Variants in TNFSF15 observed in about 807,000 individuals in gnomAD.
TNFSF15 encodes the protein tumor necrosis factor ligand superfamily member 15.
Under a neutral mutation model 26.4 loss-of-function variants are expected in TNFSF15, and 15 were observed. That is an observed-to-expected ratio of 0.57 (90% CI 0.38 to 0.87). TNFSF15 has a LOEUF of 0.87. Ranked by LOEUF, TNFSF15 falls within the 40% of genes least tolerant of loss-of-function variation. The pLI, the probability that TNFSF15 is intolerant of heterozygous loss-of-function variation, is 0.00. For synonymous variants in TNFSF15, 116 were observed against 115.0 expected, an observed-to-expected ratio of 1.01 and a Z score of -0.06; for missense variants, 290 against 306.1, an observed-to-expected ratio of 0.95 and a Z score of 0.39.
At chr9:114,802,718 A>G (rs139910658) in intron 1 of TNFSF15, among the ~76,000 whole-genome samples, 7 of 152,278 alleles carry the variant, frequency 4.6e-5, no homozygotes, top group African/African-American at 9.6e-5. Context: ...AAGTTCTTCA[A>G]TGGGAGAGGG....
At chr9:114,794,977 T>C (rs1829656238) in intron 1 of TNFSF15, among the ~76,000 whole-genome samples, 1 of 152,150 alleles carries the variant, frequency 6.6e-6, no homozygotes, top group Non-Finnish European at 1.5e-5. Context: ...TAGCAGAGTA[T>C]GGTGACTATA....
rs777804303 is a variant in TNFSF15, at chr9:114,790,719, A to G, written c.489T>C (p.Ser163=). ...TTGGTCGGCCTGCTTGTCTGATTTC[A>G]CTGCACTCAGAGGTCATCCCACGGA... ...VTFRGMTSEC[S]EIRQAGRPNK... is the part of the protein sequence containing the mutation. Residue 163 remains serine (S), a synonymous_variant, in exon 4 of 4, where the codon AGT becomes AGC. Coordinates refer to ENST00000374045, the MANE Select transcript of TNFSF15 (RefSeq NM_005118.4). 2 of 1,613,938 alleles carry G rather than the reference A, an allele frequency of 1.2e-6. No individual in the cohort carries two copies.
At chr9:114,791,886 C>A (rs1205042720) in intron 3 of TNFSF15, 2 of 168,608 alleles carry the variant, frequency 1.2e-5, no homozygotes, top group African/African-American at 4.8e-5. Context: ...AAATTGGCAA[C>A]TCTGGGGACT....
intron 1 of TNFSF15, among the ~76,000 whole-genome samples, 164 bp from the exon 2 acceptor site, chr9:114,793,732 G>C (rs902844724): frequency 6.6e-6 from 1 of 152,176 alleles, no homozygotes; most frequent in East Asian, 1.9e-4. Context: ...TGGGAATCTT[G>C]CATCTCAGCT....
chr9:114,802,743 CTGGT>C lies in TNFSF15; in HGVS notation c.210+3056_210+3059del, dbSNP rs1359035105. On this transcript the variant is annotated intron_variant, in intron 1 of 3. Transcript: ENST00000374045. The stretch of plus-strand genomic sequence containing the variant: ...ATGGGAGAGGGGTGAGGCTCAGTAA[CTGGT>C]ATAGTTGTGGTAATAGTTTTCTCCA... Among the ~76,000 whole-genome samples, 14 of 152,266 alleles carry C rather than the reference CTGGT, an allele frequency of 9.2e-5. No individual in the cohort carries two copies. In the East Asian group the frequency reaches 2.7e-3, roughly 29 times the overall value.
chr9:114,805,435 C>A (rs1829807750), intron 1 of TNFSF15, among the ~76,000 whole-genome samples: 1 of 152,126 alleles, frequency 6.6e-6, no homozygotes, highest in Non-Finnish European at 1.5e-5. Flanking sequence ...TGATGACTTT[C>A]TTCCTCTCCT....
rs1829616971 is a variant in TNFSF15, at chr9:114,792,416, G to A, written c.292C>T (p.His98Tyr). The A allele has an allele frequency of 1.1e-5, 18 of 1,613,896 alleles. No individual in the cohort carries two copies. The highest frequency in any genetic ancestry group is 1.4e-5 in the Non-Finnish European group (16 of 1,179,918). ...LRADGDKPRA[H>Y]LTVVRQTPTQ... Reference sequence around the variant, plus strand: ...CAGCAGGGAGGCTTACCTGTCAGGTGTGCCCTTGGCTTATCTCCGTCTGCT... The same window carrying A: ...CAGCAGGGAGGCTTACCTGTCAGGTATGCCCTTGGCTTATCTCCGTCTGCT... Residue 98 changes from histidine to tyrosine, a missense_variant, in exon 3 of 4, where the codon CAC (histidine) becomes TAC (tyrosine). By Grantham distance (83) the His-to-Tyr change is moderately conservative. Coordinates refer to ENST00000374045, the MANE Select transcript of TNFSF15 (RefSeq NM_005118.4).
At chr9:114,791,088 A>G (rs1393150474) in intron 3 of TNFSF15, 182 bp from the exon 4 acceptor site, 1 of 657,090 alleles carries the variant, frequency 1.5e-6, no homozygotes, top group African/African-American at 1.8e-5. Context: ...TTCAAAGAGA[A>G]TAACATCTTG....
At chr9:114,794,231 C>T (rs1488478151) in intron 1 of TNFSF15, among the ~76,000 whole-genome samples, 1 of 152,146 alleles carries the variant, frequency 6.6e-6, no homozygotes, top group East Asian at 1.9e-4. Context: ...GGAATAATAA[C>T]ATACTTAGCC....
chr9:114,791,424 A>T (rs144231824), intron 3 of TNFSF15: 1 of 177,136 alleles, frequency 5.6e-6, no homozygotes, highest in African/African-American at 2.4e-5. Flanking sequence ...TCTTACAGGC[A>T]TGAGGTAAGT....
rs1829483416 is a variant in TNFSF15, at chr9:114,785,429, C to T, written c.*5023G>A. The T allele has an allele frequency of 1.3e-5, 2 of 152,150 alleles. No homozygotes were observed. The highest frequency in any genetic ancestry group is 2.9e-5 in the Non-Finnish European group (2 of 68,040). 9.4% of individuals were successfully genotyped at this position (152,150 alleles called of 1,614,324 possible). A position where few individuals can be genotyped will look rare whatever the true frequency, so the allele number is the denominator to read the frequency against. ...GCTAATTACTGAACCCTTGAGAAGG[C>T]CTGCCAGGTTTGTAATGATCAACTA... is the stretch of plus-strand genomic sequence containing the variant. On this transcript the variant is annotated 3_prime_UTR_variant, in exon 4 of 4. Transcript: ENST00000374045.
chr9:114,796,697 A>C (rs1829677050), intron 1 of TNFSF15, among the ~76,000 whole-genome samples: 1 of 152,244 alleles, frequency 6.6e-6, no homozygotes, highest in Non-Finnish European at 1.5e-5. Context: ...CAAATACCTC[A>C]ATACCCTGCA....
intron 3 of TNFSF15, 149 bp downstream of exon 3, chr9:114,792,258 C>T: frequency 4.4e-6 from 3 of 680,400 alleles, no homozygotes; most frequent in Non-Finnish European, 7.0e-6. Flanking sequence ...CACACACACA[C>T]ACACACACTG....
intron 1 of TNFSF15, among the ~76,000 whole-genome samples, chr9:114,803,429 T>C (rs1829774474): frequency 6.6e-6 from 1 of 152,228 alleles, no homozygotes; most frequent in African/African-American, 2.4e-5. Context: ...CCTATTTTCA[T>C]AGCTGGAAGT....
At chr9:114,803,683 G>A (rs896116539) in intron 1 of TNFSF15, among the ~76,000 whole-genome samples, 2 of 152,326 alleles carry the variant, frequency 1.3e-5, no homozygotes, top group African/African-American at 2.4e-5. Flanking sequence ...GAGGCAGGGT[G>A]GGGGATGGGG....
chr9:114,800,675 T>C (rs891154516), intron 1 of TNFSF15, among the ~76,000 whole-genome samples: 1 of 152,308 alleles, frequency 6.6e-6, no homozygotes, highest in Non-Finnish European at 1.5e-5. Context: ...ATGCATGTAG[T>C]AATGATAGCA....
intron 3 of TNFSF15, 163 bp downstream of exon 3, chr9:114,792,224 TACACACACACACACACACAC>T (rs142936750): frequency 0.012 from 6,928 of 559,702 alleles, 366 homozygotes; most frequent in African/African-American, 0.12. Context: ...CATATGTGTG[TACACACACACACACACACAC>T]ACACACACAC....
Position 114,790,527 on chromosome 9 carries a change from C to A in TNFSF15, c.681G>T (p.Met227Ile). ...CCAAAGAGATGTCACTGACGTTCAC[C>A]ATTAGCTTGTCCCCTTCTTGCAAGG... ...MFSLQEGDKL[M>I]VNVSDISLVD... is the part of the protein sequence containing the mutation. The change falls in exon 4 of 4, where the codon ATG becomes ATT. Residue 227 changes from methionine (M) to isoleucine (I), a missense_variant. Met to Ile is a conservative substitution (Grantham distance 10). This residue lies in a region of TNFSF15 where 102 missense variants were observed against 114.7 expected (regional missense o/e 0.89). Coordinates refer to ENST00000374045, the MANE Select transcript of TNFSF15 (RefSeq NM_005118.4). 1 of 1,614,076 alleles carries A rather than the reference C, an allele frequency of 6.2e-7. No individual in the cohort carries two copies. The highest frequency in any genetic ancestry group is 8.5e-7 in the Non-Finnish European group (1 of 1,180,024).
Position 114,801,827 on chromosome 9 carries a change from G to A in TNFSF15, c.210+3976C>T, listed in dbSNP as rs1829753052. On this transcript the variant is annotated intron_variant, in intron 1 of 3. Coordinates refer to ENST00000374045, the MANE Select transcript of TNFSF15 (RefSeq NM_005118.4). ...ATTATTTCTATACTTTTTTGTATAG[G>A]TAGCATACACATTTTGTATGGAAGA... Among the ~76,000 whole-genome samples the A allele has an allele frequency of 2.0e-5, 3 of 152,062 alleles. No homozygotes were observed. In the South Asian group the frequency reaches 6.2e-4, roughly 31 times the overall value.
Sources: allele counts gnomAD v4.1 joint callset (sites outside exome capture counted in the v4.1 genomes callset), GRCh38; gene constraint gnomAD v4.1.1; regional missense constraint gnomAD v4.1.1; transcripts MANE v1.5; gene names NCBI Gene and HGNC (gene_info 2026-07-23, HGNC 2026-07-21).